Variants in AUTS2 observed in about 807,000 individuals in gnomAD.
AUTS2 encodes activator of transcription and developmental regulator AUTS2, also known as autism susceptibility gene 2 protein.
Under a neutral mutation model 112.4 loss-of-function variants are expected in AUTS2, and 17 were observed. The observed-to-expected ratio is 0.15, with a 90% CI of 0.10 to 0.23. The LOEUF is 0.23. AUTS2 is among the 10% of genes least tolerant of loss of function. The probability of loss-of-function intolerance (pLI) is 1.00; values close to 1 mark genes in which losing one functional copy is unlikely to be tolerated. For synonymous variants in AUTS2, 751 were observed against 702.7 expected (o/e 1.07, Z -1.09); for missense variants, 1,510 against 1,701.6 (o/e 0.89, Z 1.98).
intron 1 of AUTS2, among the ~76,000 whole-genome samples, chr7:69,672,023 C>T (rs1796351589): frequency 6.6e-6 from 1 of 151,236 alleles, no homozygotes; most frequent in Non-Finnish European, 1.5e-5. Context: ...TTCAGCTTCC[C>T]AGAGAGTAGA....
chr7:70,648,671 T>TC (rs1806312458), intron 5 of AUTS2, among the ~76,000 whole-genome samples: 1 of 152,096 alleles, frequency 6.6e-6, no homozygotes, highest in Non-Finnish European at 1.5e-5. Flanking sequence ...GACCTCCGCC[T>TC]CCCCCTTTCA....
At chr7:70,170,791 A>G (rs935595717) in intron 4 of AUTS2, among the ~76,000 whole-genome samples, 2 of 151,976 alleles carry the variant, frequency 1.3e-5, no homozygotes, top group Non-Finnish European at 2.9e-5. Context: ...TATTTTTAGT[A>G]GAGACAGGGT....
At chr7:69,964,175 C>T (rs757320898) in intron 2 of AUTS2, among the ~76,000 whole-genome samples, 4 of 152,142 alleles carry the variant, frequency 2.6e-5, no homozygotes, top group Non-Finnish European at 5.9e-5. Context: ...CAGGGAGACT[C>T]TTCTATGCAG....
chr7:70,706,752 A>G (rs772956259), intron 6 of AUTS2, among the ~76,000 whole-genome samples: 1 of 152,196 alleles, frequency 6.6e-6, no homozygotes, highest in Non-Finnish European at 1.5e-5. Flanking sequence ...GGACTTATGG[A>G]AAAGTTGCCC....
intron 5 of AUTS2, among the ~76,000 whole-genome samples, chr7:70,655,636 A>G (rs1585449066): frequency 6.6e-6 from 1 of 152,166 alleles, no homozygotes; most frequent in Non-Finnish European, 1.5e-5. Flanking sequence ...TCTTCTTGGG[A>G]CCTGCTTGCT....
chr7:70,270,026 G>A (rs573239242), intron 4 of AUTS2, among the ~76,000 whole-genome samples: 1 of 152,096 alleles, frequency 6.6e-6, no homozygotes, highest in East Asian at 1.9e-4. Flanking sequence ...GTGACAGAGC[G>A]GGACCTTGTC....
Position 70,790,436 on chromosome 7 carries a change from C to T in AUTS2, c.3220C>T (p.Pro1074Ser). The change falls in exon 19 of 19, where the codon CCC becomes TCC. Residue 1074 changes from proline (P) to serine (S), a missense_variant. Physicochemically the swap from Pro to Ser is moderately conservative, Grantham distance 74 (BLOSUM62 -1). This residue lies in a region of AUTS2 where 788 missense variants were observed against 797.6 expected (regional missense o/e 0.99). Transcript: ENST00000342771. This position sits in a 1 kb window ranked among gnomAD's most constrained non-coding sequence, Gnocchi z 7.6. ...PSFHWDPIRDPLRDPYRELDI... is the reference protein window; with the variant it reads ...PSFHWDPIRDSLRDPYRELDI... Reference sequence around the variant, plus strand: ...TTTCCACTGGGACCCCATCCGGGACCCCTTGAGGGATCCTTACCGAGAACT... The same window carrying T: ...TTTCCACTGGGACCCCATCCGGGACTCCTTGAGGGATCCTTACCGAGAACT... 6.2e-7 allele frequency: 1 copy of T among 1,612,466 alleles called. No homozygotes were observed. Among genetic ancestry groups the T allele is most frequent in the Non-Finnish European group, 8.5e-7 (1 of 1,179,240 alleles).
At chr7:70,160,814 G>A (rs1041927503) in intron 4 of AUTS2, among the ~76,000 whole-genome samples, 1 of 152,156 alleles carries the variant, frequency 6.6e-6, no homozygotes, top group African/African-American at 2.4e-5. Context: ...GCTTTTTGCA[G>A]CATTTCCAAT....
At chr7:69,926,545 C>T (rs898053000) in intron 2 of AUTS2, among the ~76,000 whole-genome samples, 3 of 151,794 alleles carry the variant, frequency 2.0e-5, no homozygotes, top group African/African-American at 7.3e-5. Flanking sequence ...ACTTTATTAT[C>T]TCTTTTAATT....
At chr7:70,632,735 G>C (rs193268277) in intron 5 of AUTS2, among the ~76,000 whole-genome samples, 1 of 152,140 alleles carries the variant, frequency 6.6e-6, no homozygotes, top group Non-Finnish European at 1.5e-5. Context: ...CCCTGAGCAT[G>C]GTTTTCCTTT....
intron 2 of AUTS2, among the ~76,000 whole-genome samples, chr7:69,996,774 A>G (rs1798960791): frequency 6.6e-6 from 1 of 152,088 alleles, no homozygotes; most frequent in Non-Finnish European, 1.5e-5. Context: ...TTGTTAAACT[A>G]TAATTATGAG....
chr7:70,598,479 TC>T (rs1361416815), intron 5 of AUTS2, among the ~76,000 whole-genome samples: 1 of 152,222 alleles, frequency 6.6e-6, no homozygotes, highest in Non-Finnish European at 1.5e-5. Context: ...TTGCCAAGTT[TC>T]CTAACTTTTC....
intron 5 of AUTS2, among the ~76,000 whole-genome samples, chr7:70,633,668 G>A (rs189789457): frequency 4.6e-5 from 7 of 151,406 alleles, no homozygotes; most frequent in African/African-American, 1.2e-4. Context: ...TGATTGGGCC[G>A]TAGGTCTAGA....
chr7:70,123,571 G>A (rs1424278876), intron 3 of AUTS2, among the ~76,000 whole-genome samples: 1 of 151,994 alleles, frequency 6.6e-6, no homozygotes, highest in Non-Finnish European at 1.5e-5. Flanking sequence ...TTATTATTTA[G>A]CTCCCACTTA....
intron 1 of AUTS2, among the ~76,000 whole-genome samples, chr7:69,692,508 G>A (rs1797391691): frequency 6.6e-6 from 1 of 152,210 alleles, no homozygotes; most frequent in East Asian, 1.9e-4. Flanking sequence ...TCAGTAGCCT[G>A]AAAACATTAA....
chr7:69,670,830 G>GT (rs1167102513), intron 1 of AUTS2, among the ~76,000 whole-genome samples: 3 of 152,040 alleles, frequency 2.0e-5, no homozygotes, highest in African/African-American at 7.2e-5. Context: ...TACTAGCACT[G>GT]TACTCCAGCC....
chr7:69,888,569 A>ATATATATATATATATG (rs1382059189), intron 1 of AUTS2, among the ~76,000 whole-genome samples: 1 of 141,548 alleles, frequency 7.1e-6, no homozygotes, highest in African/African-American at 2.6e-5. Context: ...ATATATATAT[A>ATATATATATATATATG]TATGTATGGT....
intron 5 of AUTS2, among the ~76,000 whole-genome samples, chr7:70,601,698 C>G (rs549874260): frequency 6.6e-6 from 1 of 152,174 alleles, no homozygotes; most frequent in South Asian, 2.1e-4. Context: ...GAAGCGGGGA[C>G]AGGAAGTTGT....
intron 1 of AUTS2, among the ~76,000 whole-genome samples, chr7:69,831,325 G>T (rs746666559): frequency 3.9e-5 from 6 of 152,166 alleles, no homozygotes; most frequent in Non-Finnish European, 7.3e-5. Context: ...CCTCATAGAG[G>T]CTTGGGGCAT....
Sources: gnomAD v4.1 joint callset for allele counts (sites outside exome capture counted in the v4.1 genomes callset) on GRCh38, gnomAD v4.1.1 for gene constraint, gnomAD v4.1.1 regional missense constraint, Gnocchi (gnomAD v3.1) non-coding constraint, MANE v1.5 for transcripts, NCBI Gene and HGNC (gene_info 2026-07-23, HGNC 2026-07-21) for gene names.